The following IFT80 variants were observed in gnomAD, a reference collection of about 807,000 sequenced individuals.
IFT80 encodes the protein intraflagellar transport 80, also known as intraflagellar transport protein 80 homolog.
Under a neutral mutation model 107.9 loss-of-function variants are expected in IFT80, and 79 were observed. The observed-to-expected ratio is 0.73, with a 90% confidence interval of 0.61 to 0.88. The LOEUF (loss-of-function observed/expected upper bound fraction) is 0.88. IFT80 is among the 40% of genes least tolerant of loss of function. The pLI is 0.00. For synonymous variants in IFT80, 299 were observed against 300.9 expected, an observed-to-expected ratio of 0.99 and a Z score of 0.07; for missense variants, 797 against 914.2, an observed-to-expected ratio of 0.87 and a Z score of 1.65.
chr3:160,371,161 A>C (rs1303387671), intron 5 of IFT80, among the ~76,000 whole-genome samples: 1 of 152,050 alleles, frequency 6.6e-6, no homozygotes, highest in Non-Finnish European at 1.5e-5. Context: ...GTTAGCTCCC[A>C]CTCACCTGAC....
At chr3:160,305,875 T>C (rs1485367500) in intron 10 of IFT80, among the ~76,000 whole-genome samples, 1 of 152,156 alleles carries the variant, frequency 6.6e-6, no homozygotes, top group Non-Finnish European at 1.5e-5. Context: ...TGATGTAAGG[T>C]AAGTTATCTA....
intron 9 of IFT80, among the ~76,000 whole-genome samples, chr3:160,312,208 C>T (rs972475712): frequency 8.4e-4 from 128 of 152,146 alleles, no homozygotes; most frequent in Non-Finnish European, 3.1e-4. Context: ...GAATGGTGCC[C>T]TCTGGAACTG....
At chr3:160,388,738 C>A (rs1713133714) in intron 1 of IFT80, among the ~76,000 whole-genome samples, 1 of 151,918 alleles carries the variant, frequency 6.6e-6, no homozygotes, top group South Asian at 2.1e-4. Context: ...TAAAATAGGA[C>A]AATTATTCTG....
At chr3:160,383,652 C>A in intron 2 of IFT80, 1 of 983,606 alleles carries the variant, frequency 1.0e-6, no homozygotes, top group Non-Finnish European at 1.2e-6. Flanking sequence ...TTTCACAGAC[C>A]TGCAATAAAG....
chr3:160,312,003 G>A (rs1447012051), intron 9 of IFT80, among the ~76,000 whole-genome samples: 4 of 152,128 alleles, frequency 2.6e-5, no homozygotes, highest in African/African-American at 4.8e-5. Flanking sequence ...GGATGGCCTC[G>A]ATCTCCTGAC....
intron 1 of IFT80, among the ~76,000 whole-genome samples, chr3:160,385,863 A>G (rs1347698953): frequency 6.6e-6 from 1 of 152,238 alleles, no homozygotes; most frequent in African/African-American, 2.4e-5. Flanking sequence ...ACAATAATTG[A>G]AATTTACTCA....
intron 12 of IFT80, among the ~76,000 whole-genome samples, chr3:160,286,302 A>C (rs906407696): frequency 5.9e-5 from 9 of 152,368 alleles, no homozygotes; most frequent in African/African-American, 2.2e-4. Flanking sequence ...ATTAGCTTGC[A>C]TGGGGGAGAA....
intron 8 of IFT80, among the ~76,000 whole-genome samples, chr3:160,352,086 G>A (rs1304982035): frequency 6.6e-6 from 1 of 151,618 alleles, no homozygotes; most frequent in Admixed American, 6.6e-5. Context: ...TGCGATCTTG[G>A]CTCACTGCAA....
intron 5 of IFT80, among the ~76,000 whole-genome samples, chr3:160,370,153 T>C (rs1722133680): frequency 6.6e-6 from 1 of 152,194 alleles, no homozygotes; most frequent in Non-Finnish European, 1.5e-5. Flanking sequence ...ACGCTGTTTT[T>C]GTATGTTTTT....
chr3:160,367,455 C>T (rs996189229), intron 5 of IFT80, among the ~76,000 whole-genome samples: 1 of 152,136 alleles, frequency 6.6e-6, no homozygotes, highest in African/African-American at 2.4e-5. Context: ...GCTTAAGCAG[C>T]AGACTAATGG....
Position 160,278,441 on chromosome 3 carries a change from T to C in IFT80, c.1836+752A>G, listed in dbSNP as rs545602268. The stretch of plus-strand genomic sequence containing the variant: ...GTCAAACCAATCTGTGAGCACTATG[T>C]AAATCAGACACGGCCTCCTCAAGCC... On this transcript the variant is annotated intron_variant, in intron 16 of 19. Coordinates refer to ENST00000326448, the MANE Select transcript of IFT80 (RefSeq NM_020800.3). 4.6e-5 allele frequency among the ~76,000 whole-genome samples: 7 copies of C among 152,358 alleles called. No homozygotes were observed. In the South Asian group the frequency reaches 1.5e-3, roughly 32 times the overall value.
intron 8 of IFT80, among the ~76,000 whole-genome samples, chr3:160,333,967 A>G (rs1322817282): frequency 1.3e-5 from 2 of 152,144 alleles, no homozygotes; most frequent in Non-Finnish European, 2.9e-5. Context: ...CACATAAGTA[A>G]TGTGTTGTAC....
intron 19 of IFT80, among the ~76,000 whole-genome samples, chr3:160,263,732 A>G (rs1713054049): frequency 6.6e-6 from 1 of 152,062 alleles, no homozygotes; most frequent in Admixed American, 6.6e-5. Flanking sequence ...GCTGGAGTGC[A>G]GTGGCGTGAT....
intron 16 of IFT80, among the ~76,000 whole-genome samples, chr3:160,278,715 G>A (rs1167105859): frequency 3.3e-5 from 5 of 152,104 alleles, no homozygotes; most frequent in Non-Finnish European, 7.4e-5. Context: ...TCACAAAAGT[G>A]TATTCTAAGG....
At chr3:160,298,432 G>A (rs1048929617) in intron 12 of IFT80, among the ~76,000 whole-genome samples, 2 of 151,902 alleles carry the variant, frequency 1.3e-5, no homozygotes, top group Non-Finnish European at 2.9e-5. Flanking sequence ...TAATTATCTT[G>A]TTTAACAAAA....
chr3:160,269,268 T>G (rs1713612975), intron 18 of IFT80, among the ~76,000 whole-genome samples: 1 of 151,616 alleles, frequency 6.6e-6, no homozygotes, highest in Admixed American at 6.6e-5. Context: ...ATCCTGTAAT[T>G]CAAGTGAATG....
intron 1 of IFT80, among the ~76,000 whole-genome samples, chr3:160,396,951 C>A (rs1713824053): frequency 6.6e-6 from 1 of 152,036 alleles, no homozygotes; most frequent in Non-Finnish European, 1.5e-5. Context: ...TGGTTTATGC[C>A]CCTTTTCAAA....
chr3:160,358,355 T>C (rs1340091670), intron 6 of IFT80, among the ~76,000 whole-genome samples: 3 of 151,878 alleles, frequency 2.0e-5, no homozygotes, highest in Admixed American at 6.6e-5. Flanking sequence ...CAAACATCTT[T>C]ACTACCCTCT....
chr3:160,392,678 C>T (rs1324689841), intron 1 of IFT80, among the ~76,000 whole-genome samples: 7 of 152,180 alleles, frequency 4.6e-5, no homozygotes, highest in Non-Finnish European at 8.8e-5. Flanking sequence ...ATCCAAGATG[C>T]CATCTTCTCT....
Sources: allele counts gnomAD v4.1 joint callset (sites outside exome capture counted in the v4.1 genomes callset), GRCh38; gene constraint gnomAD v4.1.1; transcripts MANE v1.5; gene names NCBI Gene and HGNC (gene_info 2026-07-23, HGNC 2026-07-21).